IL15: variants seen among roughly 807,000 people sequenced by gnomAD.
IL15 encodes the protein interleukin-15.
A neutral mutation model predicts 19.6 loss-of-function variants in IL15; 11 were observed. The observed-to-expected ratio is 0.56, with a 90% CI of 0.35 to 0.93. The LOEUF is 0.93. Ranked by LOEUF, IL15 falls within the 40% of genes least tolerant of loss-of-function variation. IL15 has a pLI of 0.01. For missense variants in IL15, 197 were observed against 186.5 expected (o/e 1.06, Z -0.33); for synonymous variants, 58 against 59.6 (o/e 0.97, Z 0.12).
At chr4:141,714,775 G>T (rs763824832) in intron 2 of IL15, 1 of 151,950 alleles carries the variant, frequency 6.6e-6, no homozygotes, top group Non-Finnish European at 1.5e-5. Flanking sequence ...TTTCTTTCCT[G>T]GTCCTTCTTT....
chr4:141,647,722 T>C (rs1173553762), intron 1 of IL15, among the ~76,000 whole-genome samples: 1 of 152,054 alleles, frequency 6.6e-6, no homozygotes, highest in Non-Finnish European at 1.5e-5. Flanking sequence ...ATCCCTCATA[T>C]GCTTATTCTT....
rs541194794 is a variant in IL15, at chr4:141,695,322, A to T, written c.-99-24044A>T. ...TTTTAAGATTCCACATATGAGTGAG[A>T]TTATGTAGTACTTGTCTTTCTGTGT... On this transcript the variant is annotated intron_variant, in intron 2 of 7. Coordinates refer to ENST00000320650, the MANE Select transcript of IL15 (RefSeq NM_000585.5). Among the ~76,000 whole-genome samples the T allele has an allele frequency of 2.5e-3, 247 of 99,180 alleles. 1 individual carries two copies. Among genetic ancestry groups the T allele is most frequent in the Middle Eastern group, 0.013 (1 of 76 alleles). The allele number at this position is 99,180 out of a possible 152,430, so 65.1% of individuals were successfully genotyped here.
chr4:141,719,355 C>A lies in IL15; in HGVS notation c.-99-11C>A. The A allele has an allele frequency of 1.6e-6, 1 of 630,086 alleles. No homozygotes were observed. The allele number at this position is 630,086 out of a possible 1,614,324, so 39.0% of individuals were successfully genotyped here. ...GCACTTGTGTTTTTAATGGATCATA[C>A]TTTACCCTAGATTGTATTGTAGGAG... On this transcript the variant is annotated splice_polypyrimidine_tract_variant and intron_variant, in intron 2 of 7. Transcript: ENST00000320650.
At chr4:141,692,357 T>C (rs186905883) in intron 2 of IL15, among the ~76,000 whole-genome samples, 1 of 152,356 alleles carries the variant, frequency 6.6e-6, no homozygotes, top group Admixed American at 6.5e-5. Context: ...CAATTAACTT[T>C]TGGCTGTTTG....
chr4:141,651,256 A>T (rs867962595), intron 1 of IL15, among the ~76,000 whole-genome samples: 3 of 152,034 alleles, frequency 2.0e-5, no homozygotes, highest in Non-Finnish European at 2.9e-5. Context: ...CAGCCATAAA[A>T]ATATTAAAAT....
intron 2 of IL15, among the ~76,000 whole-genome samples, chr4:141,703,303 C>A (rs910309369): frequency 6.6e-6 from 1 of 152,156 alleles, no homozygotes; most frequent in Non-Finnish European, 1.5e-5. Flanking sequence ...CATCCCTACT[C>A]AAAATTATAT....
intron 2 of IL15, among the ~76,000 whole-genome samples, chr4:141,703,098 G>A (rs1050156795): frequency 4.6e-5 from 7 of 152,178 alleles, no homozygotes; most frequent in Admixed American, 2.0e-4. Context: ...TCTCACTCCT[G>A]AAGTGTCCTG....
intron 2 of IL15, among the ~76,000 whole-genome samples, chr4:141,674,586 A>T (rs1728278746): frequency 6.6e-6 from 1 of 152,074 alleles, no homozygotes; most frequent in Non-Finnish European, 1.5e-5. Context: ...CTTCACCTCA[A>T]AAAAATAAAA....
intron 2 of IL15, among the ~76,000 whole-genome samples, chr4:141,697,933 T>A (rs1191339980): frequency 6.6e-6 from 1 of 152,110 alleles, no homozygotes; most frequent in African/African-American, 2.4e-5. Flanking sequence ...GGGGGAATGC[T>A]CTCAATGCTT....
At chr4:141,670,085 CT>C (rs1469736699) in intron 2 of IL15, among the ~76,000 whole-genome samples, 1 of 150,678 alleles carries the variant, frequency 6.6e-6, no homozygotes, top group Non-Finnish European at 1.5e-5. Context: ...CTTCCGTCAA[CT>C]AGATATAAAA....
At chr4:141,648,208 T>C (rs1184881256) in intron 1 of IL15, among the ~76,000 whole-genome samples, 1 of 152,028 alleles carries the variant, frequency 6.6e-6, no homozygotes, top group Non-Finnish European at 1.5e-5. Flanking sequence ...GGAAGGGAAA[T>C]AGAATTTTCT....
At chr4:141,679,056 C>G (rs1728451581) in intron 2 of IL15, among the ~76,000 whole-genome samples, 1 of 152,156 alleles carries the variant, frequency 6.6e-6, no homozygotes, top group Admixed American at 6.5e-5. Context: ...TCTTTTTCCT[C>G]ATGACTCACC....
chr4:141,730,361 T>A (rs1730411214), intron 7 of IL15, among the ~76,000 whole-genome samples: 1 of 152,314 alleles, frequency 6.6e-6, no homozygotes, highest in Middle Eastern at 3.4e-3. Flanking sequence ...GAGTTATTAC[T>A]GTATGCCAGA....
chr4:141,726,455 G>A (rs548838453), intron 5 of IL15, among the ~76,000 whole-genome samples: 4 of 152,266 alleles, frequency 2.6e-5, no homozygotes, highest in Admixed American at 1.3e-4. Context: ...GATAATGCTG[G>A]CAAGGATGTG....
chr4:141,664,366 C>CACACAT (rs1422640037), intron 2 of IL15, among the ~76,000 whole-genome samples: 1 of 151,250 alleles, frequency 6.6e-6, no homozygotes, highest in Non-Finnish European at 1.5e-5. Context: ...CACACACACA[C>CACACAT]ACACACACAC....
chr4:141,654,243 T>C (rs1045834743), intron 1 of IL15, among the ~76,000 whole-genome samples: 9 of 152,114 alleles, frequency 5.9e-5, no homozygotes, highest in African/African-American at 1.7e-4. Context: ...GGATGGCCCT[T>C]TGGGGATGTT....
At chr4:141,705,557 G>A (rs372618481) in intron 2 of IL15, among the ~76,000 whole-genome samples, 17 of 151,872 alleles carry the variant, frequency 1.1e-4, no homozygotes, top group Non-Finnish European at 2.2e-4. Flanking sequence ...GTACTCTGTC[G>A]GATGCAGTGT....
chr4:141,665,019 C>T (rs1373644172), intron 2 of IL15, among the ~76,000 whole-genome samples: 1 of 151,742 alleles, frequency 6.6e-6, no homozygotes, highest in Admixed American at 6.6e-5. Flanking sequence ...TGTTCAAGTT[C>T]TTTATATTTA....
At chr4:141,720,385 A>G in intron 3 of IL15, 84 bp from the exon 4 acceptor site, 3 of 710,594 alleles carry the variant, frequency 4.2e-6, no homozygotes, top group Non-Finnish European at 7.6e-6. Context: ...ACATCTTTAG[A>G]CCTAAAAATA....
Sources: gnomAD v4.1 joint callset for allele counts (sites outside exome capture counted in the v4.1 genomes callset) on GRCh38, gnomAD v4.1.1 for gene constraint, MANE v1.5 for transcripts, NCBI Gene and HGNC (gene_info 2026-07-23, HGNC 2026-07-21) for gene names.